COL23A1: variants seen among roughly 807,000 people sequenced by gnomAD.
The protein encoded by COL23A1 is collagen type XXIII alpha 1 chain, also known as collagen alpha-1(XXIII) chain.
COL23A1 carries 97 observed loss-of-function variants against 99.3 expected under a neutral mutation model. The observed-to-expected ratio is 0.98, with a 90% CI of 0.83 to 1.16. COL23A1 has a LOEUF of 1.16. COL23A1 is among the 50% of genes most tolerant of loss of function. The pLI is 0.00. For missense variants in COL23A1, 762 were observed against 757.4 expected, an observed-to-expected ratio of 1.01 and a Z score of -0.07; for synonymous variants, 320 against 308.2, an observed-to-expected ratio of 1.04 and a Z score of -0.40.
At chr5:178,502,357 T>G (rs1260317307) in intron 2 of COL23A1, among the ~76,000 whole-genome samples, 5 of 152,190 alleles carry the variant, frequency 3.3e-5, no homozygotes, top group Non-Finnish European at 7.4e-5. Context: ...GGTCTCGATC[T>G]TCTGACCTTG....
chr5:178,551,930 C>T (rs1427071817), intron 2 of COL23A1, among the ~76,000 whole-genome samples: 1 of 152,178 alleles, frequency 6.6e-6, no homozygotes, highest in Non-Finnish European at 1.5e-5. Flanking sequence ...CCACTGCCAC[C>T]TTCCAAGCAA....
intron 2 of COL23A1, among the ~76,000 whole-genome samples, chr5:178,515,033 C>G (rs1448150454): frequency 1.3e-5 from 2 of 152,246 alleles, no homozygotes; most frequent in African/African-American, 4.8e-5. Context: ...GCAAACTTTT[C>G]CACATGCTCA....
intron 2 of COL23A1, among the ~76,000 whole-genome samples, chr5:178,319,367 G>T (rs1435401274): frequency 6.6e-6 from 1 of 152,146 alleles, no homozygotes; most frequent in South Asian, 2.1e-4. Context: ...CGAAGGCCAG[G>T]ATTTATTGCT....
chr5:178,255,957 C>T lies in COL23A1; in HGVS notation c.882+396G>A, dbSNP rs1236464167. ...TGGGGCAGGCTGGGGTGCTGTGCTC[C>T]TGGTGGCAGGGACAAACCTCCCTGT... On this transcript the variant is annotated intron_variant, in intron 15 of 28. Coordinates refer to ENST00000390654, the MANE Select transcript of COL23A1 (RefSeq NM_173465.4). The surrounding 1 kb of genome is among the most constrained non-coding windows in gnomAD (Gnocchi z 4.2). 8.5e-6 allele frequency: 2 copies of T among 234,610 alleles called. No homozygotes were observed. The highest frequency in any genetic ancestry group is 1.8e-5 in the Non-Finnish European group (2 of 110,598). The allele number at this position is 234,610 out of a possible 1,614,324, so 14.5% of individuals were successfully genotyped here.
chr5:178,498,322 CATGACTATTAGA>C (rs1242128298), intron 2 of COL23A1, among the ~76,000 whole-genome samples: 2 of 144,170 alleles, frequency 1.4e-5, no homozygotes, highest in Non-Finnish European at 3.0e-5. Flanking sequence ...CCTTTAAAGG[CATGACTATTAGA>C]ATGACAACAG....
In COL23A1 at chr5:178,590,040, A is replaced by AGCAG. The variant is rs1398075375; in HGVS notation, c.154_157dup (p.Leu53ProfsTer185). 2.2e-6 allele frequency: 3 copies of AGCAG among 1,353,286 alleles called. No individual in the cohort carries two copies. Among genetic ancestry groups the AGCAG allele is most frequent in the South Asian group, 1.7e-5 (1 of 57,726 alleles). 83.8% of individuals were successfully genotyped at this position (1,353,286 alleles called of 1,614,324 possible). A position where few individuals can be genotyped will look rare whatever the true frequency, so the allele number is the denominator to read the frequency against. ...CAGCGCGGCCGCCTGGACACCCAGC[A>AGCAG]GCAGGCAGGCAGCCGCCGAGCCCAC... On this transcript the variant is annotated frameshift_variant, in exon 1 of 29. Coordinates refer to ENST00000390654, the MANE Select transcript of COL23A1 (RefSeq NM_173465.4). LOFTEE classifies it high-confidence loss of function. This position sits in a 1 kb window ranked among gnomAD's most constrained non-coding sequence, Gnocchi z 5.7.
rs537374366 is a variant in COL23A1, at chr5:178,262,238, C to A, written c.654G>T (p.Glu218Asp). The change falls in exon 10 of 29, where the codon GAG (glutamate) becomes GAT (aspartate). Residue 218 changes from glutamate (E) to aspartate (D), a missense_variant. Physicochemically the swap from Glu to Asp is conservative, Grantham distance 45 (BLOSUM62 2). Coordinates refer to ENST00000390654, the MANE Select transcript of COL23A1 (RefSeq NM_173465.4). ...GAQGPAGPKG[E>D]PGQDGEMGPK... is the part of the protein sequence containing the mutation. ...TGACCATCTCGCCGTCTTGTCCGGG[C>A]TCTCCTTTGGGGCCCTGCGGAAGTG... 2 of 1,583,340 alleles carry A rather than the reference C, an allele frequency of 1.3e-6. No individual in the cohort carries two copies. The highest frequency in any genetic ancestry group is 1.2e-5 in the South Asian group (1 of 86,342).
rs1484209125 is a variant in COL23A1 at position 178,259,718 on chromosome 5, C to T, written c.729+3G>A. On this transcript the variant is annotated splice_donor_region_variant and intron_variant, in intron 12 of 28. Transcript: ENST00000390654. ...CGGAAGCTCCTCCATTGGCCCCTCT[C>T]ACCTTCTTTCCAGGTACTCCAGGCT... 6.2e-7 allele frequency: 1 copy of T among 1,602,606 alleles called. No homozygotes were observed.
intron 1 of COL23A1, chr5:178,562,733 T>TGGGGGGGGGGGGGGGGGGGGGGGGGGG (rs879632255): frequency 2.0e-5 from 2 of 97,662 alleles, no homozygotes; most frequent in Admixed American, 1.0e-4. Context: ...CGCTGGCTGG[T>TGGGGGGGGGGGGGGGGGGGGGGGGGGG]GGTGGGGGGG....
At chr5:178,389,705 G>A (rs949183529) in intron 2 of COL23A1, among the ~76,000 whole-genome samples, 2 of 152,226 alleles carry the variant, frequency 1.3e-5, no homozygotes, top group Admixed American at 1.3e-4. Flanking sequence ...CTCCTCCAGA[G>A]GTGTTTTGTT....
rs774076530 is a variant in COL23A1 at position 178,560,717 on chromosome 5, G to A, written c.326C>T (p.Ala109Val). 1.9e-6 allele frequency: 3 copies of A among 1,612,536 alleles called. No homozygotes were observed. Among genetic ancestry groups the A allele is most frequent in the Middle Eastern group, 1.7e-4 (1 of 6,042 alleles). The change falls in exon 2 of 29, where the codon GCT becomes GTT. Residue 109 changes from alanine to valine, a missense_variant. Physicochemically the swap from Ala to Val is moderately conservative, Grantham distance 64. Coordinates refer to ENST00000390654, the MANE Select transcript of COL23A1 (RefSeq NM_173465.4). ...KLDGLAKIRT[A>V]REAPSECVCP... is the part of the protein sequence containing the mutation. ...GACACATTCGGATGGAGCTTCCCGA[G>A]CAGTCCGGATCTTCGCTAGTCCGTC...
At chr5:178,579,918 C>T (rs985316584) in intron 1 of COL23A1, among the ~76,000 whole-genome samples, 1 of 152,216 alleles carries the variant, frequency 6.6e-6, no homozygotes, top group African/African-American at 2.4e-5. Context: ...GTTACTGGGT[C>T]ACCTAGGTTC....
At chr5:178,253,497 T>G (rs1342302639) in intron 16 of COL23A1, among the ~76,000 whole-genome samples, 2 of 152,092 alleles carry the variant, frequency 1.3e-5, no homozygotes, top group South Asian at 2.1e-4. Flanking sequence ...TTTTTTTTAT[T>G]TTTGAGATGG....
At chr5:178,368,684 T>G (rs937935693) in intron 2 of COL23A1, among the ~76,000 whole-genome samples, 4 of 151,956 alleles carry the variant, frequency 2.6e-5, no homozygotes, top group African/African-American at 9.7e-5. Flanking sequence ...CCAGAAGCCG[T>G]CAGCCTCCAG....
chr5:178,368,290 AT>A (rs1561909387), intron 2 of COL23A1, among the ~76,000 whole-genome samples: 2 of 152,170 alleles, frequency 1.3e-5, no homozygotes, highest in South Asian at 4.1e-4. Context: ...AGAAGACTTT[AT>A]GGTTTCAAAG....
At position 178,371,389 on chromosome 5, in the gene COL23A1, A is replaced by G. The variant is rs188346576; in HGVS notation, c.362-64470T>C. 5.4e-4 allele frequency among the ~76,000 whole-genome samples: 82 copies of G among 152,264 alleles called. 1 individual carries two copies. Among genetic ancestry groups the G allele is most frequent in the Middle Eastern group, 6.8e-3 (2 of 294 alleles). ...AAATCCTCACATGCAGGCATGCCCC[A>G]GCAGGGAGGACGACTGGAGGAGGGG... On this transcript the variant is annotated intron_variant, in intron 2 of 28. Coordinates refer to ENST00000390654, the MANE Select transcript of COL23A1 (RefSeq NM_173465.4).
intron 2 of COL23A1, among the ~76,000 whole-genome samples, chr5:178,560,232 C>T (rs1258268143): frequency 2.6e-5 from 4 of 152,206 alleles, no homozygotes; most frequent in African/African-American, 9.6e-5. Context: ...CCTTCCTCTG[C>T]CTCCACCGCA....
At chr5:178,339,678 C>T (rs1329948991) in intron 2 of COL23A1, among the ~76,000 whole-genome samples, 9 of 152,160 alleles carry the variant, frequency 5.9e-5, no homozygotes, top group Non-Finnish European at 1.2e-4. Flanking sequence ...AGTGGGGGGA[C>T]GTGAATCTGC....
At chr5:178,311,624 T>C (rs910662262) in intron 2 of COL23A1, among the ~76,000 whole-genome samples, 3 of 151,628 alleles carry the variant, frequency 2.0e-5, no homozygotes, top group East Asian at 3.9e-4. Flanking sequence ...GTGATCACAG[T>C]TCACTGCAGC....
Sources: allele counts gnomAD v4.1 joint callset (sites outside exome capture counted in the v4.1 genomes callset), GRCh38; gene constraint gnomAD v4.1.1; non-coding constraint Gnocchi (gnomAD v3.1); transcripts MANE v1.5; gene names NCBI Gene and HGNC (gene_info 2026-07-23, HGNC 2026-07-21).